EIF3L: variants seen among roughly 807,000 people sequenced by gnomAD.
EIF3L encodes eukaryotic translation initiation factor 3 subunit L.
A neutral mutation model predicts 74.6 loss-of-function variants in EIF3L; 32 were observed. The observed-to-expected ratio is 0.43, with a 90% CI of 0.32 to 0.58. The LOEUF is 0.58. Ranked by LOEUF, EIF3L falls within the 20% of genes least tolerant of loss-of-function variation. EIF3L has a pLI of 0.06. For synonymous variants in EIF3L, 256 were observed against 254.4 expected, an observed-to-expected ratio of 1.01 and a Z score of -0.06; for missense variants, 474 against 707.8, an observed-to-expected ratio of 0.67 and a Z score of 3.75.
intron 11 of EIF3L, chr22:37,878,685 A>T (rs535975014): frequency 8.0e-4 from 123 of 153,592 alleles, no homozygotes; most frequent in Non-Finnish European, 1.2e-3. Context: ...CTGGTGTCAA[A>T]CTCCCAACCT....
chr22:37,864,981 T>C (rs1926071382), intron 7 of EIF3L, among the ~76,000 whole-genome samples: 1 of 152,218 alleles, frequency 6.6e-6, no homozygotes, highest in African/African-American at 2.4e-5. Flanking sequence ...ATAGTGCCTG[T>C]CACAGAATAA....
chr22:37,849,597 C>A, intron 1 of EIF3L, 115 bp downstream of exon 1: 1 of 1,199,654 alleles, frequency 8.3e-7, no homozygotes, highest in Non-Finnish European at 1.2e-6. Context: ...GGCCGACCTC[C>A]CGCCCGGCCC....
At chr22:37,887,925 G>T (rs1254204103) in intron 12 of EIF3L, 1 of 153,902 alleles carries the variant, frequency 6.5e-6, no homozygotes. Flanking sequence ...GTAAGGGTGT[G>T]GGTCTCTCTT....
chr22:37,867,683 G>C (rs1462313918), intron 7 of EIF3L, among the ~76,000 whole-genome samples: 1 of 149,726 alleles, frequency 6.7e-6, no homozygotes, highest in Admixed American at 6.7e-5. Flanking sequence ...AAATCAGCGC[G>C]GTGGTTCACA....
chr22:37,873,931 T>A (rs1926613483), intron 8 of EIF3L, among the ~76,000 whole-genome samples: 1 of 152,216 alleles, frequency 6.6e-6, no homozygotes, highest in Non-Finnish European at 1.5e-5. Flanking sequence ...CAATTTTGTG[T>A]CGTTGCCTGA....
rs995232795 is a variant in EIF3L, at chr22:37,875,820, T to A, written c.907-21T>A. ...AGGATGAATTGGGACTCATGAATGT[T>A]TGTTCTACCTCCTTCTACAGAGTAT... On this transcript the variant is annotated intron_variant, in intron 9 of 12. Coordinates refer to ENST00000652021, the MANE Select transcript of EIF3L (RefSeq NM_016091.4). 12 of 1,603,144 alleles carry A rather than the reference T, an allele frequency of 7.5e-6. No homozygotes were observed. In the African/African-American group the frequency reaches 1.5e-4, roughly 20 times the overall value.
At chr22:37,853,351 G>A (rs547831979) in intron 3 of EIF3L, among the ~76,000 whole-genome samples, 1 of 152,320 alleles carries the variant, frequency 6.6e-6, no homozygotes, top group South Asian at 2.1e-4. Context: ...CTTTAGAACA[G>A]GAATGAAAGA....
chr22:37,875,087 G>A (rs1926673811), intron 9 of EIF3L, among the ~76,000 whole-genome samples: 1 of 151,358 alleles, frequency 6.6e-6, no homozygotes, highest in South Asian at 2.1e-4. Context: ...GGATTGAGAA[G>A]GCCAGACGCA....
At chr22:37,865,770 G>A (rs554127911) in intron 7 of EIF3L, among the ~76,000 whole-genome samples, 1 of 152,214 alleles carries the variant, frequency 6.6e-6, no homozygotes, top group Non-Finnish European at 1.5e-5. Context: ...TCCTTGGCTT[G>A]TGTCATCCTT....
At chr22:37,875,271 A>G (rs1185517160) in intron 9 of EIF3L, among the ~76,000 whole-genome samples, 1 of 151,546 alleles carries the variant, frequency 6.6e-6, no homozygotes, top group Non-Finnish European at 1.5e-5. Flanking sequence ...CCAGCTACTC[A>G]GGAGGCTGAG....
At chr22:37,871,590 G>A (rs1201621074) in intron 8 of EIF3L, among the ~76,000 whole-genome samples, 2 of 152,152 alleles carry the variant, frequency 1.3e-5, no homozygotes, top group Non-Finnish European at 2.9e-5. Flanking sequence ...CATTAGGGCC[G>A]GGTGCCATGG....
At chr22:37,855,740 A>G (rs577380081) in intron 4 of EIF3L, 96 bp downstream of exon 4, 197 of 1,095,676 alleles carry the variant, frequency 1.8e-4, no homozygotes, top group African/African-American at 1.2e-3. Context: ...TGTTTTGCTC[A>G]CCATTTTGTT....
intron 12 of EIF3L, 181 bp downstream of exon 12, chr22:37,887,026 T>C: frequency 2.2e-6 from 1 of 445,948 alleles, no homozygotes; most frequent in Non-Finnish European, 4.4e-6. Flanking sequence ...CCTCCTGGGT[T>C]CAAGCGAGTC....
At chr22:37,849,826 C>T in intron 1 of EIF3L, 189 bp from the exon 2 acceptor site, 2 of 648,864 alleles carry the variant, frequency 3.1e-6, no homozygotes, top group Non-Finnish European at 5.4e-6. Context: ...CTCATTGCAC[C>T]CGTAATGTTG....
intron 11 of EIF3L, chr22:37,880,993 T>A (rs2145840072): frequency 6.6e-6 from 1 of 152,356 alleles, no homozygotes; most frequent in South Asian, 2.1e-4. Context: ...GTTTATCCAT[T>A]CTCCCATTGA....
At chr22:37,877,480 G>A in intron 10 of EIF3L, 194 bp from the exon 11 acceptor site, 1 of 624,420 alleles carries the variant, frequency 1.6e-6, no homozygotes, top group Non-Finnish European at 2.7e-6. Flanking sequence ...TGGCTAAGGA[G>A]GATCTGGAGC....
At chr22:37,853,322 G>A (rs1015038012) in intron 3 of EIF3L, among the ~76,000 whole-genome samples, 1 of 152,230 alleles carries the variant, frequency 6.6e-6, no homozygotes, top group African/African-American at 2.4e-5. Flanking sequence ...GAGAGCAGGA[G>A]TGAAAGTTTA....
At chr22:37,870,431 G>GT in intron 8 of EIF3L, 84 bp downstream of exon 8, 1 of 1,343,304 alleles carries the variant, frequency 7.4e-7, no homozygotes, top group South Asian at 1.4e-5. Context: ...ACTGCAAGGA[G>GT]AGCAGATGAG....
intron 7 of EIF3L, among the ~76,000 whole-genome samples, chr22:37,867,964 A>G (rs1431524070): frequency 6.6e-6 from 1 of 151,450 alleles, no homozygotes; most frequent in African/African-American, 2.4e-5. Flanking sequence ...CAAAAAAAAA[A>G]AAAAAAGAAA....
Sources: allele counts gnomAD v4.1 joint callset (sites outside exome capture counted in the v4.1 genomes callset), GRCh38; gene constraint gnomAD v4.1.1; transcripts MANE v1.5; gene names NCBI Gene and HGNC (gene_info 2026-07-23, HGNC 2026-07-21).